Variants in PLLP observed in about 807,000 individuals in gnomAD.
PLLP encodes the protein plasmolipin.
PLLP carries 15 observed loss-of-function variants against 19.7 expected under a neutral mutation model. The ratio of observed to expected loss-of-function variants is 0.76; its 90% CI spans 0.51 to 1.17. PLLP has a LOEUF of 1.17. PLLP is among the 50% of genes most tolerant of loss of function. The pLI is 0.00. For synonymous variants in PLLP, 111 were observed against 116.3 expected (o/e 0.95, Z 0.29); for missense variants, 255 against 258.3 (o/e 0.99, Z 0.09).
chr16:57,269,574 G>A (rs1337521911), intron 1 of PLLP, among the ~76,000 whole-genome samples: 5 of 152,148 alleles, frequency 3.3e-5, no homozygotes, highest in Admixed American at 6.6e-5. Context: ...GGGACGCCAC[G>A]AGGCAGGAAG....
At chr16:57,269,284 T>C (rs775347172) in intron 1 of PLLP, among the ~76,000 whole-genome samples, 9 of 152,136 alleles carry the variant, frequency 5.9e-5, no homozygotes, top group Non-Finnish European at 1.0e-4. Context: ...GCAAAGATGG[T>C]CACCCCAACT....
chr16:57,284,326 A>T, intron 1 of PLLP, 80 bp downstream of exon 1: 1 of 1,201,454 alleles, frequency 8.3e-7, no homozygotes, highest in Non-Finnish European at 1.1e-6. Flanking sequence ...CGAAAAATGA[A>T]CGCAGCGCCG....
At chr16:57,270,941 C>T (rs1028630515) in intron 1 of PLLP, among the ~76,000 whole-genome samples, 30 of 152,038 alleles carry the variant, frequency 2.0e-4, no homozygotes, top group Admixed American at 5.2e-4. Flanking sequence ...CTGTGCCAGG[C>T]GCTATTCTAT....
chr16:57,268,248 C>G (rs2075463835), intron 1 of PLLP, among the ~76,000 whole-genome samples: 1 of 152,140 alleles, frequency 6.6e-6, no homozygotes, highest in East Asian at 1.9e-4. Flanking sequence ...TACGGCAGCC[C>G]CAGGAAATGA....
At chr16:57,283,084 C>T (rs555152440) in intron 1 of PLLP, among the ~76,000 whole-genome samples, 64 of 152,248 alleles carry the variant, frequency 4.2e-4, no homozygotes, top group African/African-American at 1.5e-3. Context: ...AAGACAGAAT[C>T]TTCTCCCCTT....
At chr16:57,270,823 C>T (rs1486939398) in intron 1 of PLLP, among the ~76,000 whole-genome samples, 1 of 152,172 alleles carries the variant, frequency 6.6e-6, no homozygotes, top group Admixed American at 6.5e-5. Context: ...GGAACCCAGC[C>T]CCAGATCCAC....
chr16:57,270,155 C>T (rs2146444793), intron 1 of PLLP, among the ~76,000 whole-genome samples: 1 of 152,236 alleles, frequency 6.6e-6, no homozygotes, highest in South Asian at 2.1e-4. Flanking sequence ...GCAAATCCTT[C>T]CATGGCCCCC....
At position 57,261,976 on chromosome 16, in the gene PLLP, C is replaced by A. The variant is rs2075443218; in HGVS notation, c.230G>T (p.Trp77Leu). ...GWVMFVAVFL[W>L]LVTIVLFNLY... ...GTTGAAGAGGACGATTGTCACCAGC[C>A]AGAGGAAGACAGCGACGAACATCAC... The change falls in exon 2 of 4, where the codon TGG becomes TTG. Residue 77 changes from tryptophan (W) to leucine (L), a missense_variant. By Grantham distance (61) the Trp-to-Leu change is moderately conservative. Transcript: ENST00000219207. 6.2e-7 allele frequency: 1 copy of A among 1,614,028 alleles called. No homozygotes were observed. The highest frequency in any genetic ancestry group is 1.3e-5 in the African/African-American group (1 of 74,920).
chr16:57,275,076 G>A (rs549707814), intron 1 of PLLP, among the ~76,000 whole-genome samples: 2 of 147,502 alleles, frequency 1.4e-5, no homozygotes, highest in South Asian at 2.2e-4. Flanking sequence ...GGTTTCTTAT[G>A]TGTGTCTCCA....
At chr16:57,266,743 C>T (rs1423017576) in intron 1 of PLLP, among the ~76,000 whole-genome samples, 2 of 152,050 alleles carry the variant, frequency 1.3e-5, no homozygotes, top group Admixed American at 6.6e-5. Flanking sequence ...CTCTCCTACA[C>T]ACACAGGCAA....
At chr16:57,260,759 T>C (rs2075439538) in intron 2 of PLLP, among the ~76,000 whole-genome samples, 1 of 152,010 alleles carries the variant, frequency 6.6e-6, no homozygotes, top group African/African-American at 2.4e-5. Flanking sequence ...CTCAGCCCTG[T>C]GTCCTGGGGA....
At chr16:57,269,809 A>C (rs1446180628) in intron 1 of PLLP, among the ~76,000 whole-genome samples, 2 of 152,194 alleles carry the variant, frequency 1.3e-5, no homozygotes, top group Non-Finnish European at 2.9e-5. Context: ...TTTGTTGCCC[A>C]GGCTGGAGTG....
chr16:57,268,349 G>T (rs1433232884), intron 1 of PLLP, among the ~76,000 whole-genome samples: 1 of 152,206 alleles, frequency 6.6e-6, no homozygotes, highest in Non-Finnish European at 1.5e-5. Flanking sequence ...TGTTGGAGGG[G>T]TGGCCTATCG....
intron 1 of PLLP, among the ~76,000 whole-genome samples, chr16:57,264,507 C>G (rs756684914): frequency 5.3e-5 from 8 of 152,234 alleles, no homozygotes; most frequent in Non-Finnish European, 1.2e-4. Flanking sequence ...TCAACCATGA[C>G]AGAGACCAGA....
At chr16:57,266,303 TTC>T (rs2075457076) in intron 1 of PLLP, among the ~76,000 whole-genome samples, 1 of 152,060 alleles carries the variant, frequency 6.6e-6, no homozygotes, top group African/African-American at 2.4e-5. Flanking sequence ...ATTTCTGGCG[TTC>T]TTTCTGGCTG....
chr16:57,267,340 G>C (rs1248043755), intron 1 of PLLP, among the ~76,000 whole-genome samples: 4 of 151,678 alleles, frequency 2.6e-5, no homozygotes, highest in African/African-American at 9.7e-5. Context: ...AGCCTGAGGT[G>C]CATGATCAGT....
At chr16:57,282,223 CTTTTCT>C (rs1567533899) in intron 1 of PLLP, among the ~76,000 whole-genome samples, 1 of 117,160 alleles carries the variant, frequency 8.5e-6, no homozygotes, top group Non-Finnish European at 1.8e-5. Context: ...TTTCTTTTTT[CTTTTCT>C]TTTTTTTTTT....
At chr16:57,277,029 C>T (rs1169637209) in intron 1 of PLLP, among the ~76,000 whole-genome samples, 1 of 152,014 alleles carries the variant, frequency 6.6e-6, no homozygotes, top group Non-Finnish European at 1.5e-5. Context: ...ACAAAAGGAC[C>T]CCCAAGATTC....
chr16:57,282,816 C>T (rs1230383927), intron 1 of PLLP, among the ~76,000 whole-genome samples: 1 of 152,188 alleles, frequency 6.6e-6, no homozygotes, highest in Non-Finnish European at 1.5e-5. Context: ...CTGCGTCTGC[C>T]TCAGATTTCA....
Sources: gnomAD v4.1 joint callset for allele counts (sites outside exome capture counted in the v4.1 genomes callset) on GRCh38, gnomAD v4.1.1 for gene constraint, MANE v1.5 for transcripts, NCBI Gene and HGNC (gene_info 2026-07-23, HGNC 2026-07-21) for gene names.